SPOPL: variants seen among roughly 807,000 people sequenced by gnomAD.
SPOPL encodes the protein speckle type BTB/POZ protein like, also known as speckle-type POZ protein-like.
Under a neutral mutation model 53.8 loss-of-function variants are expected in SPOPL, and 23 were observed. The observed-to-expected ratio is 0.43, with a 90% CI of 0.31 to 0.61. SPOPL has a LOEUF of 0.61. Ranked by LOEUF, SPOPL falls within the 20% of genes least tolerant of loss-of-function variation. SPOPL has a pLI of 0.12. For missense variants in SPOPL, 442 were observed against 466.9 expected, an observed-to-expected ratio of 0.95 and a Z score of 0.49; for synonymous variants, 164 against 149.7, an observed-to-expected ratio of 1.10 and a Z score of -0.70.
intron 1 of SPOPL, among the ~76,000 whole-genome samples, chr2:138,505,153 A>AT (rs1213313715): frequency 1.3e-5 from 2 of 152,036 alleles, no homozygotes; most frequent in Admixed American, 6.5e-5. Flanking sequence ...TTATTTATTT[A>AT]TTTTTTATAA....
chr2:138,566,924 A>T (rs1290753993), intron 10 of SPOPL, among the ~76,000 whole-genome samples: 1 of 152,234 alleles, frequency 6.6e-6, no homozygotes, highest in East Asian at 1.9e-4. Context: ...AAACACAAAT[A>T]GGAGTTAGCA....
intron 1 of SPOPL, among the ~76,000 whole-genome samples, chr2:138,540,266 T>C (rs1238120460): frequency 6.6e-6 from 1 of 152,248 alleles, no homozygotes; most frequent in Non-Finnish European, 1.5e-5. Flanking sequence ...AAAGTAGTTT[T>C]TTCCAATTCT....
chr2:138,556,286 TTG>T (rs928603222), intron 5 of SPOPL, among the ~76,000 whole-genome samples: 4 of 152,234 alleles, frequency 2.6e-5, no homozygotes, highest in Admixed American at 2.0e-4. Flanking sequence ...TCTGATAATA[TTG>T]TCTTTATTTT....
chr2:138,531,292 C>G (rs1385023899), intron 1 of SPOPL, among the ~76,000 whole-genome samples: 18 of 151,890 alleles, frequency 1.2e-4, no homozygotes, highest in Admixed American at 1.2e-3. Flanking sequence ...CATGGAGTTA[C>G]TTGAGCTACT....
At chr2:138,524,676 G>A (rs2104867222) in intron 1 of SPOPL, among the ~76,000 whole-genome samples, 1 of 152,300 alleles carries the variant, frequency 6.6e-6, no homozygotes, top group Middle Eastern at 3.4e-3. Flanking sequence ...AATCTCTAGG[G>A]AGGGGCAGAA....
intron 1 of SPOPL, among the ~76,000 whole-genome samples, chr2:138,525,663 A>AAAAAAAAAAAAAAAAAAAAAAAC (rs1558865850): frequency 9.2e-5 from 12 of 130,440 alleles, no homozygotes; most frequent in Non-Finnish European, 1.7e-4. Flanking sequence ...GTAGAAAAAA[A>AAAAAAAAAAAAAAAAAAAAAAAC]AAAAAAAAAA....
chr2:138,567,372 A>AGTGTGTGTGTGTGTGTGT (rs57208490), intron 10 of SPOPL, among the ~76,000 whole-genome samples: 35 of 113,034 alleles, frequency 3.1e-4, no homozygotes, highest in Non-Finnish European at 4.6e-4. Context: ...AGAGCAGTAT[A>AGTGTGTGTGTGTGTGTGT]GTGTGTGTGT....
At chr2:138,534,275 T>C (rs1450943523) in intron 1 of SPOPL, among the ~76,000 whole-genome samples, 2 of 151,968 alleles carry the variant, frequency 1.3e-5, no homozygotes, top group African/African-American at 4.8e-5. Flanking sequence ...CAAAAATATA[T>C]GGGAAAAAAA....
intron 1 of SPOPL, among the ~76,000 whole-genome samples, chr2:138,514,660 T>TC (rs1684401485): frequency 1.3e-5 from 2 of 152,190 alleles, no homozygotes; most frequent in Non-Finnish European, 2.9e-5. Flanking sequence ...CTGTAAAATA[T>TC]CCTTGTATTC....
At chr2:138,528,455 C>T (rs982344287) in intron 1 of SPOPL, among the ~76,000 whole-genome samples, 3 of 152,212 alleles carry the variant, frequency 2.0e-5, no homozygotes, top group African/African-American at 7.2e-5. Flanking sequence ...ACCAGTGTCA[C>T]ACCCTTTCTT....
At chr2:138,554,745 A>C (rs545198082) in intron 5 of SPOPL, among the ~76,000 whole-genome samples, 1 of 152,336 alleles carries the variant, frequency 6.6e-6, no homozygotes, top group East Asian at 1.9e-4. Context: ...AATTCAACAG[A>C]TTTTAAATAC....
intron 5 of SPOPL, among the ~76,000 whole-genome samples, chr2:138,555,418 TCTTGGCAAAATG>T (rs1030139956): frequency 6.6e-6 from 1 of 152,154 alleles, no homozygotes; most frequent in African/African-American, 2.4e-5. Context: ...AAAAGCCCTT[TCTTGGCAAAATG>T]AAAAGTTGAC....
At chr2:138,556,194 G>A (rs1288784307) in intron 5 of SPOPL, among the ~76,000 whole-genome samples, 5 of 152,112 alleles carry the variant, frequency 3.3e-5, no homozygotes, top group Admixed American at 1.3e-4. Flanking sequence ...TGATAATACT[G>A]TGTAGATAGG....
In SPOPL at chr2:138,559,331, C is replaced by T; in HGVS notation, c.708C>T (p.Ser236=). 6.2e-7 allele frequency: 1 copy of T among 1,609,336 alleles called. No individual in the cohort carries two copies. Among genetic ancestry groups the T allele is most frequent in the South Asian group, 1.1e-5 (1 of 90,018 alleles). Residue 236 remains serine, a synonymous_variant, in exon 7 of 11, where the codon AGC becomes AGT. Transcript: ENST00000280098. The part of the protein sequence containing the change: ...NAMFEHEMEE[S]KKNRVEINDL... ...TGTTTGAACATGAAATGGAAGAAAG[C>T]AAAAAGGTAAACATGGCTTAAAGGC...
chr2:138,554,737 T>C (rs1308791567), intron 5 of SPOPL, among the ~76,000 whole-genome samples: 7 of 152,208 alleles, frequency 4.6e-5, no homozygotes, highest in Admixed American at 2.6e-4. Context: ...TCTTTTGAAA[T>C]TCAACAGATT....
Position 138,565,001 on chromosome 2 carries a change from G to C in SPOPL, c.1034+8G>C. ...GAAAAACTGGAACAGCAAGTAAGAT[G>C]ACATCAGTTTCTGACTCAAAGTTGC... On this transcript the variant is annotated splice_region_variant and intron_variant, in intron 10 of 10. Transcript: ENST00000280098. 1 of 1,613,832 alleles carries C rather than the reference G, an allele frequency of 6.2e-7. No homozygotes were observed. The highest frequency in any genetic ancestry group is 1.1e-5 in the South Asian group (1 of 91,048).
intron 8 of SPOPL, among the ~76,000 whole-genome samples, chr2:138,561,435 A>G (rs1685547307): frequency 6.6e-6 from 1 of 152,144 alleles, no homozygotes; most frequent in Non-Finnish European, 1.5e-5. Flanking sequence ...CATCAGAAAA[A>G]TCTCTAAGCC....
intron 1 of SPOPL, among the ~76,000 whole-genome samples, chr2:138,504,626 C>T (rs562769713): frequency 8.5e-5 from 13 of 152,288 alleles, no homozygotes; most frequent in Non-Finnish European, 1.3e-4. Flanking sequence ...TGGCCCTTCT[C>T]AACCATGTTT....
At chr2:138,560,033 A>G (rs982397608) in intron 7 of SPOPL, among the ~76,000 whole-genome samples, 1 of 152,188 alleles carries the variant, frequency 6.6e-6, no homozygotes, top group African/African-American at 2.4e-5. Flanking sequence ...GGAGACATCA[A>G]TGATGTCATA....
Sources: allele counts gnomAD v4.1 joint callset (sites outside exome capture counted in the v4.1 genomes callset), GRCh38; gene constraint gnomAD v4.1.1; transcripts MANE v1.5; gene names NCBI Gene and HGNC (gene_info 2026-07-23, HGNC 2026-07-21).